The following EHBP1 variants were observed in gnomAD, a reference collection of about 807,000 sequenced individuals.
The protein encoded by EHBP1 is EH domain-binding protein 1.
Under a neutral mutation model 144.0 loss-of-function variants are expected in EHBP1, and 55 were observed. The observed-to-expected ratio is 0.38, with a 90% CI of 0.31 to 0.48. EHBP1 has a LOEUF of 0.48. EHBP1 is among the 20% of genes least tolerant of loss of function. EHBP1 has a pLI of 0.98. For synonymous variants in EHBP1, 469 were observed against 472.7 expected, an observed-to-expected ratio of 0.99 and a Z score of 0.10; for missense variants, 1,200 against 1,364.2, an observed-to-expected ratio of 0.88 and a Z score of 1.90.
intron 1 of EHBP1, among the ~76,000 whole-genome samples, chr2:62,682,398 C>G (rs1022157441): frequency 6.6e-6 from 1 of 152,082 alleles, no homozygotes; most frequent in Non-Finnish European, 1.5e-5. Context: ...TAGGAAGGAG[C>G]TTTTCTAGTA....
chr2:63,020,057 G>T (rs1456311155), intron 19 of EHBP1, among the ~76,000 whole-genome samples: 1 of 151,964 alleles, frequency 6.6e-6, no homozygotes, highest in African/African-American at 2.4e-5. Context: ...CGGGCGAGGT[G>T]GCTCATGCCT....
intron 10 of EHBP1, among the ~76,000 whole-genome samples, chr2:62,930,751 A>G (rs1218443266): frequency 6.6e-6 from 1 of 152,204 alleles, no homozygotes; most frequent in Non-Finnish European, 1.5e-5. Flanking sequence ...TCAACAAGAG[A>G]GTCAGGACTA....
rs559192622 is a variant in EHBP1 at position 63,026,707 on chromosome 2, G to A, written c.3104-10828G>A. Among the ~76,000 whole-genome samples the A allele has an allele frequency of 1.2e-4, 19 of 152,266 alleles. No homozygotes were observed. In the South Asian group the frequency reaches 2.9e-3, roughly 23 times the overall value. The stretch of plus-strand genomic sequence containing the variant: ...CAGGTAACTTGTGGTTACCCAAGAA[G>A]TGAACAGGTCTCGTCTAGGCATCCC... On this transcript the variant is annotated intron_variant, in intron 19 of 22. Transcript: ENST00000431489.
At chr2:62,802,624 AC>A (rs2044091098) in intron 5 of EHBP1, among the ~76,000 whole-genome samples, 1 of 151,326 alleles carries the variant, frequency 6.6e-6, no homozygotes, top group South Asian at 2.1e-4. Context: ...GTTCTCCCTC[AC>A]CCACACAGTC....
intron 10 of EHBP1, among the ~76,000 whole-genome samples, chr2:62,917,821 A>G (rs1019613510): frequency 6.6e-6 from 1 of 152,110 alleles, no homozygotes. Flanking sequence ...ACAGACCTAC[A>G]GAGGAATGTC....
chr2:62,712,832 A>G (rs1356317568), intron 2 of EHBP1, among the ~76,000 whole-genome samples: 1 of 152,132 alleles, frequency 6.6e-6, no homozygotes, highest in Non-Finnish European at 1.5e-5. Flanking sequence ...GGTTAATGTT[A>G]ATGACAAGAT....
chr2:62,790,022 T>C (rs2043069502), intron 5 of EHBP1, among the ~76,000 whole-genome samples: 1 of 152,186 alleles, frequency 6.6e-6, no homozygotes, highest in Admixed American at 6.5e-5. Context: ...TCCTCCTAGT[T>C]TTATAGGCCT....
chr2:62,713,250 ACT>A (rs1491248113), intron 2 of EHBP1, among the ~76,000 whole-genome samples: 2 of 146,982 alleles, frequency 1.4e-5, no homozygotes, highest in East Asian at 4.1e-4. Flanking sequence ...CAGGTGCTAA[ACT>A]CTTTTTTTTT....
At chr2:62,945,617 G>T (rs573346887) in intron 12 of EHBP1, among the ~76,000 whole-genome samples, 1 of 152,134 alleles carries the variant, frequency 6.6e-6, no homozygotes, top group Non-Finnish European at 1.5e-5. Flanking sequence ...CAGCATGGTG[G>T]CATGCACCTG....
At chr2:62,969,481 A>G (rs1470923967) in intron 14 of EHBP1, among the ~76,000 whole-genome samples, 1 of 152,204 alleles carries the variant, frequency 6.6e-6, no homozygotes, top group Non-Finnish European at 1.5e-5. Flanking sequence ...ATTTTCATGA[A>G]TTAAATACGT....
intron 10 of EHBP1, among the ~76,000 whole-genome samples, chr2:62,933,487 A>G (rs1390465002): frequency 6.6e-6 from 1 of 152,176 alleles, no homozygotes; most frequent in Non-Finnish European, 1.5e-5. Context: ...ACATTGGCCT[A>G]TGTGGTATTT....
intron 15 of EHBP1, among the ~76,000 whole-genome samples, chr2:62,983,625 C>G (rs896679063): frequency 6.6e-6 from 1 of 152,166 alleles, no homozygotes; most frequent in Admixed American, 6.5e-5. Context: ...ACTGCAACCT[C>G]CGTCTCCCGG....
intron 3 of EHBP1, among the ~76,000 whole-genome samples, chr2:62,751,855 CT>C (rs757184217): frequency 4.6e-5 from 7 of 151,808 alleles, no homozygotes. Context: ...TGTATTGTGT[CT>C]GTTTCATTCT....
chr2:62,890,132 T>C (rs1286898842), intron 10 of EHBP1, among the ~76,000 whole-genome samples: 2 of 152,030 alleles, frequency 1.3e-5, no homozygotes, highest in Non-Finnish European at 2.9e-5. Flanking sequence ...AGCTAATTTT[T>C]GTATTTTTAG....
At chr2:62,879,634 A>G (rs879800445) in intron 10 of EHBP1, among the ~76,000 whole-genome samples, 1 of 150,908 alleles carries the variant, frequency 6.6e-6, no homozygotes, top group East Asian at 2.0e-4. Flanking sequence ...GAGAGAGCCT[A>G]TGAATACAGC....
At chr2:62,848,563 G>A (rs932223901) in intron 7 of EHBP1, among the ~76,000 whole-genome samples, 4 of 152,166 alleles carry the variant, frequency 2.6e-5, no homozygotes, top group African/African-American at 9.7e-5. Flanking sequence ...TGGCTAAACC[G>A]TAGTATGTTC....
rs1445397876 is a variant in EHBP1, at chr2:62,942,699, C to T, written c.1186-19C>T. Reference sequence around the variant, plus strand: ...CCATTAAATTCTTTTAATGTTTTCCCCTTTTCATTTTTTTCTAGCCAAGCC... The same window carrying T: ...CCATTAAATTCTTTTAATGTTTTCCTCTTTTCATTTTTTTCTAGCCAAGCC... On this transcript the variant is annotated intron_variant, in intron 10 of 22. Transcript: ENST00000431489. 6 of 1,547,330 alleles carry T rather than the reference C, an allele frequency of 3.9e-6. No homozygotes were observed. The highest frequency in any genetic ancestry group is 2.5e-5 in the South Asian group (2 of 80,606).
chr2:62,922,824 C>T (rs2055190243), intron 10 of EHBP1, among the ~76,000 whole-genome samples: 1 of 152,148 alleles, frequency 6.6e-6, no homozygotes, highest in Admixed American at 6.5e-5. Context: ...ATTTAATCAA[C>T]CTGGAGTCAG....
intron 7 of EHBP1, among the ~76,000 whole-genome samples, chr2:62,846,616 A>G (rs1324458732): frequency 1.3e-5 from 2 of 152,204 alleles, no homozygotes; most frequent in African/African-American, 4.8e-5. Context: ...ATTCAACATT[A>G]TATTTGAAGT....
Sources: allele counts gnomAD v4.1 joint callset (sites outside exome capture counted in the v4.1 genomes callset), GRCh38; gene constraint gnomAD v4.1.1; transcripts MANE v1.5; gene names NCBI Gene and HGNC (gene_info 2026-07-23, HGNC 2026-07-21).